The following TRABD2B variants were observed in gnomAD, a reference collection of about 807,000 sequenced individuals.
The protein encoded by TRABD2B is TraB domain containing 2B, also known as metalloprotease TIKI2.
TRABD2B carries 14 observed loss-of-function variants against 40.1 expected under a neutral mutation model. The observed-to-expected ratio is 0.35, with a 90% confidence interval of 0.23 to 0.55. The LOEUF is 0.55. Among genes scored for constraint, TRABD2B ranks in the 20% least tolerant of loss-of-function variants. The probability of loss-of-function intolerance (pLI) is 0.90; values close to 1 mark genes in which losing one functional copy is unlikely to be tolerated. For missense variants in TRABD2B, 541 were observed against 648.6 expected (o/e 0.83, Z 1.80); for synonymous variants, 263 against 277.0 (o/e 0.95, Z 0.50).
Position 47,997,248 on chromosome 1 carries a change from G to C in TRABD2B, c.-459C>G, listed in dbSNP as rs1360230989. 1 of 981,824 alleles carries C rather than the reference G, an allele frequency of 1.0e-6. No homozygotes were observed. The highest frequency in any genetic ancestry group is 1.2e-6 in the Non-Finnish European group (1 of 828,046). 60.8% of individuals were successfully genotyped at this position (981,824 alleles called of 1,614,324 possible). The stretch of plus-strand genomic sequence containing the variant: ...AGGCGCGCAGTGGGACAAGTGCGGC[G>C]GAAGGCGCGGCAGGGGTGGGGGGCG... On this transcript the variant is annotated 5_prime_UTR_variant, in exon 1 of 7. Transcript: ENST00000606738.
chr1:47,787,824 T>C (rs1309732966), intron 4 of TRABD2B, among the ~76,000 whole-genome samples: 1 of 152,168 alleles, frequency 6.6e-6, no homozygotes, highest in Non-Finnish European at 1.5e-5. Flanking sequence ...ATACGCACCT[T>C]CTTAGTGCTC....
chr1:47,993,158 G>A (rs1646037259), intron 2 of TRABD2B, among the ~76,000 whole-genome samples: 1 of 152,042 alleles, frequency 6.6e-6, no homozygotes, highest in Admixed American at 6.5e-5. Flanking sequence ...CCCATCTTGG[G>A]GCCTCCTTGA....
At chr1:47,804,867 C>T (rs1189620090) in intron 2 of TRABD2B, among the ~76,000 whole-genome samples, 1 of 152,110 alleles carries the variant, frequency 6.6e-6, no homozygotes, top group Non-Finnish European at 1.5e-5. Flanking sequence ...ACTTAGAACT[C>T]AAAATATGGA....
At chr1:47,891,589 G>T (rs1209365378) in intron 2 of TRABD2B, among the ~76,000 whole-genome samples, 1 of 152,090 alleles carries the variant, frequency 6.6e-6, no homozygotes, top group Admixed American at 6.6e-5. Context: ...TTGATCCCAG[G>T]AGTTCGAGAC....
In TRABD2B at chr1:47,884,627, T is replaced by G. The variant is rs544186311; in HGVS notation, c.667-83008A>C. Among the ~76,000 whole-genome samples, 5 of 152,226 alleles carry G rather than the reference T, an allele frequency of 3.3e-5. No individual in the cohort carries two copies. The South Asian group carries it at 8.3e-4, about 25-fold the overall frequency. On this transcript the variant is annotated intron_variant, in intron 2 of 6. Coordinates refer to ENST00000606738, the MANE Select transcript of TRABD2B (RefSeq NM_001194986.2). ...TTTTATTTATTTATTTTATTTTTAT[T>G]TTTTGAGACAGAGTCTCGCTCTGTC...
chr1:47,966,273 G>A (rs1027092897), intron 2 of TRABD2B, among the ~76,000 whole-genome samples: 2 of 142,910 alleles, frequency 1.4e-5, no homozygotes, highest in African/African-American at 5.0e-5. Context: ...ATGTGACTCT[G>A]GAAGGCAGCC....
chr1:47,984,640 C>G (rs1225055303), intron 2 of TRABD2B, among the ~76,000 whole-genome samples: 1 of 152,202 alleles, frequency 6.6e-6, no homozygotes, highest in East Asian at 1.9e-4. Context: ...AACTCGCGCC[C>G]CGTCCTCTAG....
intron 2 of TRABD2B, among the ~76,000 whole-genome samples, chr1:47,911,170 T>C (rs891132070): frequency 6.6e-6 from 1 of 152,198 alleles, no homozygotes; most frequent in African/African-American, 2.4e-5. Context: ...CTGCATTCCT[T>C]CTAACAGCCT....
At chr1:47,986,487 G>GA (rs1212082319) in intron 2 of TRABD2B, among the ~76,000 whole-genome samples, 5 of 152,102 alleles carry the variant, frequency 3.3e-5, no homozygotes, top group African/African-American at 1.2e-4. Context: ...GACTGCCTGA[G>GA]AAAAAAGTAT....
chr1:47,859,212 T>A (rs1357606022), intron 2 of TRABD2B, among the ~76,000 whole-genome samples: 3 of 152,110 alleles, frequency 2.0e-5, no homozygotes, highest in African/African-American at 7.2e-5. Flanking sequence ...GTTTCCCCCA[T>A]CCTTCCTTTC....
Position 47,771,912 on chromosome 1 carries a change from C to T in TRABD2B, c.1349+3258G>A, listed in dbSNP as rs558599732. ...TGGCATCCGGGACAGGCACTCCAGGCGCGTCCCTGGCTCACTCCCTCCTTC... is the reference window on the plus strand; with the variant it reads ...TGGCATCCGGGACAGGCACTCCAGGTGCGTCCCTGGCTCACTCCCTCCTTC... On this transcript the variant is annotated intron_variant, in intron 6 of 6. Transcript: ENST00000606738. Among the ~76,000 whole-genome samples the T allele has an allele frequency of 1.2e-4, 19 of 152,294 alleles. No individual in the cohort carries two copies. The South Asian group carries it at 2.7e-3, about 22-fold the overall frequency.
chr1:47,878,776 A>G lies in TRABD2B; in HGVS notation c.667-77157T>C, dbSNP rs1226221326. Among the ~76,000 whole-genome samples the G allele has an allele frequency of 2.0e-5, 3 of 152,288 alleles. No individual in the cohort carries two copies. In the East Asian group the frequency reaches 5.8e-4, roughly 29 times the overall value. ...TCAGAGTTTTTATTATGGTATTCACAAATAAATAAGCAAACAAGGAAAAAG... is the reference window on the plus strand; with the variant it reads ...TCAGAGTTTTTATTATGGTATTCACGAATAAATAAGCAAACAAGGAAAAAG... On this transcript the variant is annotated intron_variant, in intron 2 of 6. Coordinates refer to ENST00000606738, the MANE Select transcript of TRABD2B (RefSeq NM_001194986.2).
At chr1:47,904,508 T>C (rs571391568) in intron 2 of TRABD2B, among the ~76,000 whole-genome samples, 4 of 152,246 alleles carry the variant, frequency 2.6e-5, no homozygotes, top group South Asian at 2.1e-4. Context: ...AACAAGTAAC[T>C]GGAAAGAGGG....
chr1:47,842,738 T>C (rs1038737672), intron 2 of TRABD2B, among the ~76,000 whole-genome samples: 2 of 152,214 alleles, frequency 1.3e-5, no homozygotes, highest in Admixed American at 1.3e-4. Flanking sequence ...ATTCAGAAAC[T>C]GTTTATGGCA....
chr1:47,885,352 T>A (rs889979188), intron 2 of TRABD2B, among the ~76,000 whole-genome samples: 1 of 152,180 alleles, frequency 6.6e-6, no homozygotes, highest in Non-Finnish European at 1.5e-5. Flanking sequence ...ACTCTTACCA[T>A]GTGTATCACT....
chr1:47,855,927 T>C (rs80231516), intron 2 of TRABD2B, among the ~76,000 whole-genome samples: 230 of 152,350 alleles, frequency 1.5e-3, no homozygotes, highest in African/African-American at 5.0e-3. Context: ...ATTTAAGCTA[T>C]CCAGTTGGTG....
intron 2 of TRABD2B, among the ~76,000 whole-genome samples, chr1:47,824,790 T>A (rs1645153726): frequency 6.6e-6 from 1 of 152,194 alleles, no homozygotes; most frequent in South Asian, 2.1e-4. Context: ...GAGCTGCCTG[T>A]GGAGCTGCTA....
chr1:47,918,208 T>C (rs1644855022), intron 2 of TRABD2B, among the ~76,000 whole-genome samples: 1 of 152,214 alleles, frequency 6.6e-6, no homozygotes. Flanking sequence ...GGTTCACCTG[T>C]CTGTCTCCGT....
At chr1:47,915,454 T>A (rs1644818337) in intron 2 of TRABD2B, among the ~76,000 whole-genome samples, 1 of 152,170 alleles carries the variant, frequency 6.6e-6, no homozygotes, top group Non-Finnish European at 1.5e-5. Context: ...ACCATTTGCA[T>A]GTGTATACGC....
Sources: gnomAD v4.1 joint callset for allele counts (sites outside exome capture counted in the v4.1 genomes callset) on GRCh38, gnomAD v4.1.1 for gene constraint, MANE v1.5 for transcripts, NCBI Gene and HGNC (gene_info 2026-07-23, HGNC 2026-07-21) for gene names.